The following PTPRN2 variants were observed in gnomAD, a reference collection of about 807,000 sequenced individuals.
The protein encoded by PTPRN2 is receptor-type tyrosine-protein phosphatase N2.
Under a neutral mutation model 118.8 loss-of-function variants are expected in PTPRN2, and 74 were observed. That is an observed-to-expected ratio of 0.62 (90% CI 0.52 to 0.76). The LOEUF is 0.76. Among genes scored for constraint, PTPRN2 ranks in the 30% least tolerant of loss-of-function variants. The pLI is 0.00. For missense variants in PTPRN2, 1,481 were observed against 1,394.4 expected, an observed-to-expected ratio of 1.06 and a Z score of -0.99; for synonymous variants, 641 against 608.0, an observed-to-expected ratio of 1.05 and a Z score of -0.80.
In PTPRN2 at chr7:157,861,806, C is replaced by T. The variant is rs1810262209; in HGVS notation, c.1788+36867G>A. Among the ~76,000 whole-genome samples, 1 of 152,246 alleles carries T rather than the reference C, an allele frequency of 6.6e-6. No homozygotes were observed. Among genetic ancestry groups the T allele is most frequent in the African/African-American group, 2.4e-5 (1 of 41,472 alleles). On this transcript the variant is annotated intron_variant, in intron 12 of 22. Coordinates refer to ENST00000389418, the MANE Select transcript of PTPRN2 (RefSeq NM_002847.5). This position sits in a 1 kb window ranked among gnomAD's most constrained non-coding sequence, Gnocchi z 5.8. ...GAGCCACGCAGACGGCTTCCCTCTG[C>T]ATGCCGGAGTCTGTCCTCTCCGTCG...
At chr7:158,228,827 G>C (rs7789111) in intron 3 of PTPRN2, among the ~76,000 whole-genome samples, 33,103 of 151,954 alleles carry the variant, frequency 0.22, 4,227 homozygotes, top group African/African-American at 0.33. Context: ...CTGGAGACCT[G>C]TTCCTGCTTC....
chr7:157,947,944 C>T (rs960964803), intron 11 of PTPRN2, among the ~76,000 whole-genome samples: 2 of 152,190 alleles, frequency 1.3e-5, no homozygotes, highest in Non-Finnish European at 1.5e-5. Context: ...ACCAATAATT[C>T]TGTATCAGGC....
Position 158,188,204 on chromosome 7 carries a change from CGCTCG to C in PTPRN2, c.549+4118_549+4122del, listed in dbSNP as rs1443965690. ...CGCCCCGCGATGGGGAAGGCCGCCA[CGCTCG>C]CCGCCTGATGGGGAAGGCCGCCACG... On this transcript the variant is annotated intron_variant, in intron 5 of 22. Coordinates refer to ENST00000389418, the MANE Select transcript of PTPRN2 (RefSeq NM_002847.5). 2.0e-3 allele frequency among the ~76,000 whole-genome samples: 166 copies of C among 82,402 alleles called. 14 individuals carry two copies. The highest frequency in any genetic ancestry group is 3.2e-3 in the South Asian group (7 of 2,158). The allele number at this position is 82,402 out of a possible 152,430, so 54.1% of individuals were successfully genotyped here.
At chr7:158,258,585 A>G (rs575800978) in intron 3 of PTPRN2, among the ~76,000 whole-genome samples, 2 of 152,242 alleles carry the variant, frequency 1.3e-5, no homozygotes, top group African/African-American at 4.8e-5. Context: ...CCTCTGTGGA[A>G]GGGTCTGTGT....
intron 2 of PTPRN2, among the ~76,000 whole-genome samples, chr7:158,327,174 C>T (rs1386567505): frequency 6.6e-6 from 1 of 151,644 alleles, no homozygotes; most frequent in Non-Finnish European, 1.5e-5. Flanking sequence ...CACATGCACA[C>T]ACACATGCTC....
intron 2 of PTPRN2, among the ~76,000 whole-genome samples, chr7:158,336,847 C>A (rs1036398734): frequency 0.046 from 4,609 of 99,778 alleles, 138 homozygotes; most frequent in Admixed American, 0.09. Flanking sequence ...CACTCACCCA[C>A]ACTCTCACCA....
intron 11 of PTPRN2, among the ~76,000 whole-genome samples, chr7:158,010,665 T>A (rs915039209): frequency 6.6e-6 from 1 of 152,234 alleles, no homozygotes; most frequent in Admixed American, 6.5e-5. Flanking sequence ...CAAATAAATA[T>A]ATTTTCAGGG....
In PTPRN2 at chr7:158,093,105, C is replaced by A. The variant is rs1003248892; in HGVS notation, c.1644-11728G>T. 5.9e-5 allele frequency among the ~76,000 whole-genome samples: 9 copies of A among 152,050 alleles called. No homozygotes were observed. The highest frequency in any genetic ancestry group is 7.4e-5 in the Non-Finnish European group (5 of 67,932). On this transcript the variant is annotated intron_variant, in intron 10 of 22. Transcript: ENST00000389418. This position sits in a 1 kb window ranked among gnomAD's most constrained non-coding sequence, Gnocchi z 4.4. ...GCGAGGCACGAGTATAAGTGTGAGA[C>A]CCACACGCAGGCCTGCACCTCTGTC...
chr7:158,329,540 C>T (rs1204890420), intron 2 of PTPRN2, among the ~76,000 whole-genome samples: 1 of 152,146 alleles, frequency 6.6e-6, no homozygotes, highest in East Asian at 1.9e-4. Context: ...GAGGCACCGT[C>T]GATGAGCCAG....
intron 5 of PTPRN2, among the ~76,000 whole-genome samples, chr7:158,191,675 G>A (rs911400726): frequency 6.6e-6 from 1 of 152,180 alleles, no homozygotes; most frequent in Admixed American, 6.5e-5. Flanking sequence ...ATAGTGAAGG[G>A]TCTTGGGTGG....
chr7:158,180,245 T>G (rs1184365681), intron 5 of PTPRN2, among the ~76,000 whole-genome samples: 1 of 152,202 alleles, frequency 6.6e-6, no homozygotes, highest in Non-Finnish European at 1.5e-5. Context: ...CTTTCCCCAG[T>G]TTATGGTTTT....
At chr7:158,386,937 ACT>A (rs1811432259) in intron 2 of PTPRN2, among the ~76,000 whole-genome samples, 1 of 151,502 alleles carries the variant, frequency 6.6e-6, no homozygotes, top group Non-Finnish European at 1.5e-5. Flanking sequence ...GATGAACACG[ACT>A]CCACACGGCC....
intron 12 of PTPRN2, among the ~76,000 whole-genome samples, chr7:157,880,712 GT>G (rs1288425012): frequency 6.6e-6 from 1 of 152,196 alleles, no homozygotes; most frequent in African/African-American, 2.4e-5. Context: ...GATCTGAAGG[GT>G]TTTTGGACAA....
intron 6 of PTPRN2, among the ~76,000 whole-genome samples, chr7:158,166,032 A>T (rs1279372223): frequency 6.6e-6 from 1 of 152,132 alleles, no homozygotes; most frequent in African/African-American, 2.4e-5. Context: ...AGGTGAGTTC[A>T]GCGACAAAGG....
At chr7:157,624,109 C>T (rs910147508) in intron 14 of PTPRN2, among the ~76,000 whole-genome samples, 10 of 151,954 alleles carry the variant, frequency 6.6e-5, no homozygotes, top group African/African-American at 2.4e-4. Flanking sequence ...GGTTATGGCC[C>T]AAGAACTTCT....
chr7:157,974,026 T>C lies in PTPRN2; in HGVS notation c.1724-75289A>G, dbSNP rs1231528507. Among the ~76,000 whole-genome samples the C allele has an allele frequency of 2.0e-5, 3 of 152,230 alleles. No homozygotes were observed. Among genetic ancestry groups the C allele is most frequent in the African/African-American group, 7.2e-5 (3 of 41,454 alleles). Reference sequence around the variant, plus strand: ...ATGATACATTTATATTAGATCTCTCTGACCACTGCTGTTGACGTTGGCGGG... The same window carrying C: ...ATGATACATTTATATTAGATCTCTCCGACCACTGCTGTTGACGTTGGCGGG... On this transcript the variant is annotated intron_variant, in intron 11 of 22. Transcript: ENST00000389418. The surrounding 1 kb of genome is among the most constrained non-coding windows in gnomAD (Gnocchi z 4.0).
Position 157,587,861 on chromosome 7 carries a change from C to T in PTPRN2, c.2496+7377G>A, listed in dbSNP as rs1425119894. ...CGGTGGCTGTCCCCATGCCTGGGCT[C>T]CCGTGGTGGCTCTCCCCATGCCTGG... is the stretch of plus-strand genomic sequence containing the variant. On this transcript the variant is annotated intron_variant, in intron 17 of 22. Coordinates refer to ENST00000389418, the MANE Select transcript of PTPRN2 (RefSeq NM_002847.5). The surrounding 1 kb of genome is among the most constrained non-coding windows in gnomAD (Gnocchi z 5.3). Among the ~76,000 whole-genome samples the T allele has an allele frequency of 6.6e-6, 1 of 152,214 alleles. No homozygotes were observed. Among genetic ancestry groups the T allele is most frequent in the East Asian group, 1.9e-4 (1 of 5,188 alleles).
chr7:158,269,731 CAGAGAGACAGAGACAGAG>C (rs1163547152), intron 3 of PTPRN2, among the ~76,000 whole-genome samples: 1 of 151,614 alleles, frequency 6.6e-6, no homozygotes, highest in Non-Finnish European at 1.5e-5. Context: ...GAGACAGAAA[CAGAGAGACAGAGACAGAG>C]AGAGACAGAG....
intron 11 of PTPRN2, among the ~76,000 whole-genome samples, chr7:158,018,287 G>A (rs1421800078): frequency 6.6e-6 from 1 of 152,216 alleles, no homozygotes; most frequent in East Asian, 1.9e-4. Flanking sequence ...AACAGGACAG[G>A]ACGCTGTCTG....
Sources: allele counts gnomAD v4.1 joint callset (sites outside exome capture counted in the v4.1 genomes callset), GRCh38; gene constraint gnomAD v4.1.1; non-coding constraint Gnocchi (gnomAD v3.1); transcripts MANE v1.5; gene names NCBI Gene and HGNC (gene_info 2026-07-23, HGNC 2026-07-21).